Variants in SLC8A3 observed in about 807,000 individuals in gnomAD.
The protein encoded by SLC8A3 is sodium/calcium exchanger 3.
SLC8A3 carries 37 observed loss-of-function variants against 65.4 expected under a neutral mutation model. The observed-to-expected ratio is 0.57, with a 90% CI of 0.44 to 0.74. The LOEUF (loss-of-function observed/expected upper bound fraction) is 0.74, where lower values mean the gene tolerates loss of function less well. Ranked by LOEUF, SLC8A3 falls within the 30% of genes least tolerant of loss-of-function variation. SLC8A3 has a pLI of 0.00. For synonymous variants in SLC8A3, 461 were observed against 444.5 expected, an observed-to-expected ratio of 1.04 and a Z score of -0.47; for missense variants, 1,112 against 1,172.1, an observed-to-expected ratio of 0.95 and a Z score of 0.75.
chr14:70,144,321 TTTTTTTTTTTA>T (rs1895769017), intron 2 of SLC8A3, among the ~76,000 whole-genome samples: 1 of 142,894 alleles, frequency 7.0e-6, no homozygotes. Context: ...TTTTTTTTTT[TTTTTTTTTTTA>T]AAAAAAAAAA....
At chr14:70,051,914 GA>G (rs1417063990) in intron 4 of SLC8A3, 75 bp downstream of exon 4, 6 of 1,339,234 alleles carry the variant, frequency 4.5e-6, no homozygotes, top group East Asian at 2.4e-5. Context: ...AGTGAAAGTG[GA>G]AAAAAACACC....
intron 2 of SLC8A3, among the ~76,000 whole-genome samples, chr14:70,137,100 T>C (rs1299271909): frequency 2.6e-5 from 4 of 152,194 alleles, no homozygotes; most frequent in African/African-American, 9.7e-5. Context: ...ACACATGCTT[T>C]TTTTCTACTA....
At chr14:70,118,459 A>G (rs1438231191) in intron 2 of SLC8A3, among the ~76,000 whole-genome samples, 1 of 152,184 alleles carries the variant, frequency 6.6e-6, no homozygotes, top group Non-Finnish European at 1.5e-5. Flanking sequence ...CTCTGCCTAG[A>G]GCTCAGCCTT....
intron 2 of SLC8A3, among the ~76,000 whole-genome samples, chr14:70,138,186 C>A (rs891109959): frequency 2.6e-5 from 4 of 152,172 alleles, no homozygotes; most frequent in Non-Finnish European, 5.9e-5. Flanking sequence ...GTGGAGCCAG[C>A]AGCCCTAGGA....
At chr14:70,053,617 G>A (rs193031318) in intron 3 of SLC8A3, among the ~76,000 whole-genome samples, 1 of 152,270 alleles carries the variant, frequency 6.6e-6, no homozygotes, top group Admixed American at 6.5e-5. Context: ...ACATATAAAT[G>A]TACCTGTCTA....
At position 70,168,171 on chromosome 14, in the gene SLC8A3, C is replaced by A. The variant is rs1467800237; in HGVS notation, c.252G>T (p.Leu84=). 1.9e-6 allele frequency: 3 copies of A among 1,614,028 alleles called. No individual in the cohort carries two copies. The African/African-American group carries it at 4.0e-5, about 22-fold the overall frequency. The change falls in exon 2 of 7, where the codon CTG becomes CTT. Residue 84 remains leucine (L), a synonymous_variant. Transcript: ENST00000356921. ...TGGACACCCCAAGGAACATGTATAT[C>A]AGGGCCACAAAATAGACAATGACCC... The part of the protein sequence containing the change: ...IARVIVYFVA[L]IYMFLGVSII...
chr14:70,150,565 A>C (rs1344056662), intron 2 of SLC8A3, among the ~76,000 whole-genome samples: 1 of 152,118 alleles, frequency 6.6e-6, no homozygotes, highest in African/African-American at 2.4e-5. Context: ...ACATGAACTC[A>C]ATGCCTCCTA....
chr14:70,169,956 C>T (rs1158016902), intron 1 of SLC8A3, among the ~76,000 whole-genome samples: 2 of 152,088 alleles, frequency 1.3e-5, no homozygotes, highest in African/African-American at 2.4e-5. Flanking sequence ...ACTCTTTCTC[C>T]ATTTCTACCA....
chr14:70,066,570 G>C (rs1415392429), intron 2 of SLC8A3, among the ~76,000 whole-genome samples: 2 of 152,132 alleles, frequency 1.3e-5, no homozygotes, highest in Non-Finnish European at 2.9e-5. Flanking sequence ...CAGTGCTTTG[G>C]AAGGCCGAGG....
intron 2 of SLC8A3, among the ~76,000 whole-genome samples, chr14:70,101,695 T>C (rs1892564164): frequency 6.6e-6 from 1 of 152,104 alleles, no homozygotes; most frequent in African/African-American, 2.4e-5. Flanking sequence ...TTGAAAACAA[T>C]CATAAAACTG....
At chr14:70,097,763 C>A (rs1469255660) in intron 2 of SLC8A3, among the ~76,000 whole-genome samples, 2 of 152,042 alleles carry the variant, frequency 1.3e-5, no homozygotes, top group Non-Finnish European at 2.9e-5. Flanking sequence ...CCAATGCAAA[C>A]AACCACTCCA....
intron 2 of SLC8A3, among the ~76,000 whole-genome samples, chr14:70,130,518 C>T (rs1894754739): frequency 6.6e-6 from 1 of 152,204 alleles, no homozygotes; most frequent in Admixed American, 6.5e-5. Context: ...TCCTGCAGTC[C>T]TCTGCAAGGG....
At chr14:70,072,611 ATCC>A (rs1257015174) in intron 2 of SLC8A3, among the ~76,000 whole-genome samples, 1 of 151,792 alleles carries the variant, frequency 6.6e-6, no homozygotes, top group East Asian at 1.9e-4. Flanking sequence ...CCATCCATCC[ATCC>A]ATCCATCCAT....
intron 2 of SLC8A3, among the ~76,000 whole-genome samples, chr14:70,096,564 A>G (rs112115526): frequency 6.6e-6 from 1 of 152,240 alleles, no homozygotes; most frequent in African/African-American, 2.4e-5. Context: ...CCAGTTTCAC[A>G]TCACAGCTCC....
chr14:70,181,465 CAAAAA>C (rs11306400), intron 1 of SLC8A3, among the ~76,000 whole-genome samples: 2 of 127,798 alleles, frequency 1.6e-5, no homozygotes, highest in African/African-American at 2.9e-5. Flanking sequence ...AAGCCACACG[CAAAAA>C]AAAAAAAAAA....
At chr14:70,104,099 T>C (rs1351807423) in intron 2 of SLC8A3, among the ~76,000 whole-genome samples, 1 of 152,052 alleles carries the variant, frequency 6.6e-6, no homozygotes, top group Non-Finnish European at 1.5e-5. Context: ...ATCATGAATG[T>C]ATGTGTTTAA....
chr14:70,048,745 T>G (rs867648321), intron 6 of SLC8A3, 22 bp downstream of exon 6: 6 of 1,609,110 alleles, frequency 3.7e-6, no homozygotes, highest in Middle Eastern at 1.6e-4. Context: ...TCTTTGCAAA[T>G]TCAAGCACCT....
intron 2 of SLC8A3, among the ~76,000 whole-genome samples, chr14:70,139,196 G>A (rs978130864): frequency 2.0e-5 from 3 of 152,198 alleles, no homozygotes; most frequent in Non-Finnish European, 2.9e-5. Flanking sequence ...AGAAGGAGGG[G>A]TGCCTGAGTT....
intron 1 of SLC8A3, among the ~76,000 whole-genome samples, chr14:70,174,669 T>TTG (rs1566833589): frequency 8.1e-5 from 9 of 111,392 alleles, no homozygotes; most frequent in African/African-American, 2.4e-4. Context: ...TTTGTTTTTT[T>TTG]TTTTTTTTTT....
Sources: gnomAD v4.1 joint callset for allele counts (sites outside exome capture counted in the v4.1 genomes callset) on GRCh38, gnomAD v4.1.1 for gene constraint, MANE v1.5 for transcripts, NCBI Gene and HGNC (gene_info 2026-07-23, HGNC 2026-07-21) for gene names.